TMEM108: variants seen among roughly 807,000 people sequenced by gnomAD.
TMEM108 encodes the protein cancer/testis antigen 124.
In TMEM108, 12 loss-of-function variants were observed where a neutral mutation model predicts 35.1. The observed-to-expected ratio is 0.34, with a 90% CI of 0.22 to 0.55. The LOEUF is 0.55. Among genes scored for constraint, TMEM108 ranks in the 20% least tolerant of loss-of-function variants. The pLI, the probability that TMEM108 is intolerant of heterozygous loss-of-function variation, is 0.89. For missense variants in TMEM108, 680 were observed against 753.3 expected (o/e 0.90, Z 1.14); for synonymous variants, 287 against 308.6 (o/e 0.93, Z 0.73).
chr3:133,355,899 A>G (rs949512215), intron 3 of TMEM108, among the ~76,000 whole-genome samples: 1 of 152,162 alleles, frequency 6.6e-6, no homozygotes, highest in Non-Finnish European at 1.5e-5. Flanking sequence ...AACTGGCACA[A>G]AAAAATAGTG....
chr3:133,337,710 G>C (rs955585441), intron 3 of TMEM108, among the ~76,000 whole-genome samples: 2 of 152,000 alleles, frequency 1.3e-5, no homozygotes, highest in Non-Finnish European at 2.9e-5. Context: ...ACTTAAATAA[G>C]GTAGAAAGGA....
intron 2 of TMEM108, among the ~76,000 whole-genome samples, chr3:133,211,073 TTAAC>T (rs1187151917): frequency 1.3e-5 from 2 of 152,340 alleles, no homozygotes; most frequent in Middle Eastern, 3.4e-3. Context: ...AAAATTAAAA[TTAAC>T]TAATTTTTAA....
chr3:133,267,995 T>A (rs1471166265), intron 3 of TMEM108, among the ~76,000 whole-genome samples: 1 of 152,152 alleles, frequency 6.6e-6, no homozygotes, highest in Non-Finnish European at 1.5e-5. Context: ...ACAGGGATCA[T>A]TGAGTAGATC....
intron 2 of TMEM108, among the ~76,000 whole-genome samples, chr3:133,085,560 A>G (rs949161179): frequency 1.3e-5 from 2 of 152,258 alleles, no homozygotes; most frequent in East Asian, 3.9e-4. Flanking sequence ...TCATCTATTC[A>G]GTATGTTACA....
chr3:133,296,795 CAG>C (rs1334158557), intron 3 of TMEM108, among the ~76,000 whole-genome samples: 1 of 152,134 alleles, frequency 6.6e-6, no homozygotes, highest in African/African-American at 2.4e-5. Context: ...GCATGACTGT[CAG>C]AAATTAGGTT....
chr3:133,157,727 A>G (rs903571865), intron 2 of TMEM108, among the ~76,000 whole-genome samples: 1 of 152,222 alleles, frequency 6.6e-6, no homozygotes, highest in Non-Finnish European at 1.5e-5. Context: ...TCTTATCTGC[A>G]TTAAAGAATA....
At chr3:133,089,664 T>G (rs1943925472) in intron 2 of TMEM108, among the ~76,000 whole-genome samples, 1 of 152,222 alleles carries the variant, frequency 6.6e-6, no homozygotes, top group African/African-American at 2.4e-5. Flanking sequence ...AATGATTGTC[T>G]ACCTTCTATA....
At chr3:133,125,496 G>T (rs895209156) in intron 2 of TMEM108, among the ~76,000 whole-genome samples, 2 of 152,114 alleles carry the variant, frequency 1.3e-5, no homozygotes, top group Non-Finnish European at 2.9e-5. Context: ...AATAAGAGGT[G>T]ATATAGCTAT....
At chr3:133,254,035 A>G (rs1281113232) in intron 3 of TMEM108, among the ~76,000 whole-genome samples, 1 of 152,176 alleles carries the variant, frequency 6.6e-6, no homozygotes, top group Non-Finnish European at 1.5e-5. Context: ...ATTCCTATAA[A>G]AGAACATTAA....
intron 2 of TMEM108, among the ~76,000 whole-genome samples, chr3:133,048,981 T>C (rs374497104): frequency 4.6e-5 from 7 of 152,206 alleles, no homozygotes; most frequent in South Asian, 2.1e-4. Context: ...ACCTATTAAA[T>C]CAAAATTTCT....
chr3:133,054,981 A>C (rs983668001), intron 2 of TMEM108, among the ~76,000 whole-genome samples: 1 of 152,162 alleles, frequency 6.6e-6, no homozygotes, highest in Non-Finnish European at 1.5e-5. Context: ...TTGAGGAAAG[A>C]ATGTAGTTTG....
At chr3:133,353,160 G>T (rs890876871) in intron 3 of TMEM108, among the ~76,000 whole-genome samples, 1 of 152,300 alleles carries the variant, frequency 6.6e-6, no homozygotes, top group Middle Eastern at 3.4e-3. Flanking sequence ...CGTGATTTTT[G>T]AACAGAAGAA....
At chr3:133,340,404 A>T (rs2071623971) in intron 3 of TMEM108, among the ~76,000 whole-genome samples, 1 of 151,842 alleles carries the variant, frequency 6.6e-6, no homozygotes, top group South Asian at 2.1e-4. Context: ...CAAAACTTGA[A>T]CGGACTAATA....
chr3:133,114,095 A>G (rs1319035390), intron 2 of TMEM108, among the ~76,000 whole-genome samples: 1 of 152,212 alleles, frequency 6.6e-6, no homozygotes, highest in Non-Finnish European at 1.5e-5. Flanking sequence ...GTTTACAACA[A>G]GTGAAATCCT....
At chr3:133,076,527 A>G (rs985033311) in intron 2 of TMEM108, among the ~76,000 whole-genome samples, 1 of 152,234 alleles carries the variant, frequency 6.6e-6, no homozygotes, top group African/African-American at 2.4e-5. Flanking sequence ...GAAGGGCAGA[A>G]AGGAGATAAA....
chr3:133,038,619 A>G (rs1292809767), intron 1 of TMEM108, among the ~76,000 whole-genome samples, 184 bp downstream of exon 1: 1 of 151,778 alleles, frequency 6.6e-6, no homozygotes, highest in African/African-American at 2.4e-5. Flanking sequence ...GCACCTTCCC[A>G]TCCTCCCCAC....
At chr3:133,146,412 G>T (rs1393884621) in intron 2 of TMEM108, among the ~76,000 whole-genome samples, 1 of 152,138 alleles carries the variant, frequency 6.6e-6, no homozygotes, top group African/African-American at 2.4e-5. Flanking sequence ...CAGGGGTATT[G>T]GCCTGATGTT....
intron 1 of TMEM108, among the ~76,000 whole-genome samples, chr3:133,039,018 G>A (rs555608793): frequency 6.6e-6 from 1 of 152,216 alleles, no homozygotes; most frequent in African/African-American, 2.4e-5. Context: ...TGGACCTGGC[G>A]GTTTTCACCC....
chr3:133,365,990 G>GA (rs2072491616), intron 3 of TMEM108, among the ~76,000 whole-genome samples: 1 of 152,060 alleles, frequency 6.6e-6, no homozygotes, highest in African/African-American at 2.4e-5. Context: ...GGGGGAGTAT[G>GA]AAAAAAACAG....
Sources: gnomAD v4.1 joint callset for allele counts (sites outside exome capture counted in the v4.1 genomes callset) on GRCh38, gnomAD v4.1.1 for gene constraint, MANE v1.5 for transcripts, NCBI Gene and HGNC (gene_info 2026-07-23, HGNC 2026-07-21) for gene names.